Variants in SYNM observed in about 807,000 individuals in gnomAD.
SYNM encodes desmuslin.
A neutral mutation model predicts 104.0 loss-of-function variants in SYNM; 95 were observed. That is an observed-to-expected ratio of 0.91 (90% CI 0.77 to 1.08). The LOEUF is 1.08. Ranked by LOEUF, SYNM falls within the 50% of genes least tolerant of loss-of-function variation. SYNM has a pLI of 0.00. For synonymous variants in SYNM, 918 were observed against 869.0 expected (o/e 1.06, Z -0.99); for missense variants, 2,150 against 2,052.2 (o/e 1.05, Z -0.92).
chr15:99,139,709 C>G (rs1555489298), downstream of SYNM: 1 of 1,363,486 alleles, frequency 7.3e-7, no homozygotes, highest in African/African-American at 1.5e-5. Context: ...AGGATGGGCT[C>G]CAGTTTCTAT....
At position 99,105,157 on chromosome 15, in the gene SYNM, G is replaced by T. The variant is rs969921255; in HGVS notation, c.-43G>T. ...ACGAGACCGGGACAAGACCAGGGCA[G>T]GAGGGAGCCGGCCAGCCGCGAGAAC... On this transcript the variant is annotated 5_prime_UTR_variant, in exon 1 of 4. The change creates a new upstream start codon in the 5' untranslated region. Coordinates refer to ENST00000336292, the MANE Select transcript of SYNM (RefSeq NM_145728.3). 6.4e-7 allele frequency: 1 copy of T among 1,552,436 alleles called. No homozygotes were observed. Among genetic ancestry groups the T allele is most frequent in the Non-Finnish European group, 8.7e-7 (1 of 1,155,002 alleles).
At chr15:99,108,117 G>A (rs1454054938) in intron 1 of SYNM, among the ~76,000 whole-genome samples, 2 of 152,108 alleles carry the variant, frequency 1.3e-5, no homozygotes, top group East Asian at 3.9e-4. Flanking sequence ...TGGGAGTACA[G>A]GATCCCACCA....
At chr15:99,123,336 A>G (rs924323017) in intron 2 of SYNM, among the ~76,000 whole-genome samples, 1 of 146,920 alleles carries the variant, frequency 6.8e-6, no homozygotes, top group Non-Finnish European at 1.5e-5. Context: ...GTATTGACCT[A>G]GAGATGGCTC....
In SYNM at chr15:99,130,402, A is replaced by G. The variant is rs782592910; in HGVS notation, c.2042A>G (p.Lys681Arg). The G allele has an allele frequency of 8.1e-6, 13 of 1,613,822 alleles. No homozygotes were observed. The Admixed American group carries it at 2.2e-4, about 27-fold the overall frequency. The change falls in exon 4 of 4, where the codon AAA (lysine) becomes AGA (arginine). Residue 681 changes from lysine (K) to arginine (R), a missense_variant. Lys to Arg is a conservative substitution (Grantham distance 26, BLOSUM62 2). Coordinates refer to ENST00000336292, the MANE Select transcript of SYNM (RefSeq NM_145728.3). ...AGGAAAGAGCTTCCTGGGGAAAGGA[A>G]AACAAAGACTGAAATAGTTGTGGAG... ...VDRKELPGER[K>R]TKTEIVVESK...
At chr15:99,122,008 A>C (rs1313632248) in intron 2 of SYNM, among the ~76,000 whole-genome samples, 6 of 152,274 alleles carry the variant, frequency 3.9e-5, no homozygotes, top group Non-Finnish European at 7.3e-5. Context: ...AGCTGGGTCA[A>C]AATGATTTTT....
intron 2 of SYNM, among the ~76,000 whole-genome samples, chr15:99,121,961 T>C (rs782493690): frequency 2.7e-4 from 41 of 152,326 alleles, no homozygotes; most frequent in Non-Finnish European, 4.9e-4. Flanking sequence ...AAAGATATGA[T>C]AATTGTTCTA....
rs1390703444 is a variant in SYNM at position 99,105,654 on chromosome 15, T to C, written c.455T>C (p.Val152Ala). Residue 152 changes from valine to alanine, a missense_variant, in exon 1 of 4, where the codon GTG becomes GCG. Physicochemically the swap from Val to Ala is moderately conservative, Grantham distance 64. Transcript: ENST00000336292. ...CTCGACGCGGCCCACGAACGCGACGTGAGGGAGCTGCGCGCGCGCGCCGCC... is the reference window on the plus strand; with the variant it reads ...CTCGACGCGGCCCACGAACGCGACGCGAGGGAGCTGCGCGCGCGCGCCGCC... ...RGLDAAHERD[V>A]RELRARAASL... The C allele has an allele frequency of 2.2e-6, 3 of 1,383,656 alleles. No homozygotes were observed. Among genetic ancestry groups the C allele is most frequent in the Admixed American group, 6.2e-5 (2 of 32,180 alleles). The allele number at this position is 1,383,656 out of a possible 1,614,324, so 85.7% of individuals were successfully genotyped here.
Position 99,132,588 on chromosome 15 carries a change from G to GA in SYNM, c.4231dup (p.Thr1411AsnfsTer5). ...TAGGCACATTCGACTAGGTCCTACAGAAACGGAAACCTCTGAACACATTGC... is the reference window on the plus strand; with the variant it reads ...TAGGCACATTCGACTAGGTCCTACAGAAAACGGAAACCTCTGAACACATTGC... On this transcript the variant is annotated frameshift_variant, in exon 4 of 4. Coordinates refer to ENST00000336292, the MANE Select transcript of SYNM (RefSeq NM_145728.3). LOFTEE classifies it high-confidence loss of function. 6.2e-7 allele frequency: 1 copy of GA among 1,614,048 alleles called. No individual in the cohort carries two copies. The highest frequency in any genetic ancestry group is 1.1e-5 in the South Asian group (1 of 91,080).
chr15:99,115,749 A>G (rs1027639851), intron 2 of SYNM, among the ~76,000 whole-genome samples: 3 of 152,264 alleles, frequency 2.0e-5, no homozygotes, highest in Admixed American at 6.5e-5. Context: ...GGTGTGAGCC[A>G]CTGCGCCCGG....
Position 99,131,276 on chromosome 15 carries a change from C to T in SYNM, c.2916C>T (p.Thr972=). 3.1e-6 allele frequency: 5 copies of T among 1,611,984 alleles called. No homozygotes were observed. Among genetic ancestry groups the T allele is most frequent in the Non-Finnish European group, 4.2e-6 (5 of 1,179,294 alleles). The change falls in exon 4 of 4, where the codon ACC becomes ACT. Residue 972 remains threonine (T), a synonymous_variant. Transcript: ENST00000336292. This position sits in a 1 kb window ranked among gnomAD's most constrained non-coding sequence, Gnocchi z 4.3. ...ERMREELSAL[T]REGQGGPGSV... ...TGAGGGAGGAGCTGTCCGCCCTCAC[C>T]AGAGAGGGGCAGGGTGGGCCGGGGA... is the stretch of plus-strand genomic sequence containing the variant.
chr15:99,129,380 A>G lies in SYNM; in HGVS notation c.1020A>G (p.Lys340=). ...CAATTTCTACAGAATTCAGAAACAA[A>G]TCCTATCACTATACCGACTCACTAC... ...VENMPSEFRN[K]SYHYTDSLLQ... The change falls in exon 4 of 4, where the codon AAA becomes AAG. Residue 340 remains lysine, a synonymous_variant. Transcript: ENST00000336292. 1 of 1,611,490 alleles carries G rather than the reference A, an allele frequency of 6.2e-7. No individual in the cohort carries two copies. The highest frequency in any genetic ancestry group is 8.5e-7 in the Non-Finnish European group (1 of 1,177,840).
In SYNM at chr15:99,132,499, C is replaced by T. The variant is rs782749337; in HGVS notation, c.4139C>T (p.Pro1380Leu). 6.2e-7 allele frequency: 1 copy of T among 1,613,974 alleles called. No homozygotes were observed. Among genetic ancestry groups the T allele is most frequent in the South Asian group, 1.1e-5 (1 of 91,078 alleles). Residue 1380 changes from proline to leucine, a missense_variant, in exon 4 of 4, where the codon CCC (proline) becomes CTC (leucine). Transcript: ENST00000336292. ...STFQSVVSES[P>L]QEDSAEDTSG... ...TTCCAAAGTGTCGTTTCTGAATCTC[C>T]CCAGGAGGATAGTGCAGAGGACACA...
At chr15:99,122,174 G>A (rs1237295944) in intron 2 of SYNM, among the ~76,000 whole-genome samples, 1 of 152,224 alleles carries the variant, frequency 6.6e-6, no homozygotes, top group African/African-American at 2.4e-5. Context: ...GGAAGGGCAT[G>A]GGAAGCTTCC....
intron 2 of SYNM, among the ~76,000 whole-genome samples, chr15:99,115,947 A>G (rs2067345054): frequency 6.6e-6 from 1 of 152,244 alleles, no homozygotes; most frequent in South Asian, 2.1e-4. Flanking sequence ...CCATCAGTGA[A>G]GAGGGAGCAG....
At chr15:99,111,085 A>G (rs1327633809) in intron 1 of SYNM, among the ~76,000 whole-genome samples, 1 of 152,216 alleles carries the variant, frequency 6.6e-6, no homozygotes, top group Non-Finnish European at 1.5e-5. Context: ...TCCAACTTCA[A>G]CACAGTTTGA....
At chr15:99,128,082 T>C (rs1422987014) in intron 3 of SYNM, among the ~76,000 whole-genome samples, 3 of 152,230 alleles carry the variant, frequency 2.0e-5, no homozygotes, top group African/African-American at 7.2e-5. Flanking sequence ...ATTTGTAAAC[T>C]AAATTTATTC....
At position 99,122,200 on chromosome 15, in the gene SYNM, A is replaced by G. The variant is rs1229341830; in HGVS notation, c.936-4522A>G. 2.6e-5 allele frequency among the ~76,000 whole-genome samples: 4 copies of G among 152,178 alleles called. No homozygotes were observed. In the East Asian group the frequency reaches 7.7e-4, roughly 29 times the overall value. On this transcript the variant is annotated intron_variant, in intron 2 of 3. Transcript: ENST00000336292. ...GGAAGCTTCCTGTTTCTTCTTTCTG[A>G]TCCCAGTTGGCAGAAGCAGCGTGTT...
intron 2 of SYNM, among the ~76,000 whole-genome samples, chr15:99,116,060 T>A (rs1166699693): frequency 6.6e-6 from 1 of 152,184 alleles, no homozygotes; most frequent in African/African-American, 2.4e-5. Flanking sequence ...CACCAAGGGA[T>A]GAATTGAGGG....
rs746324622 is a variant in SYNM at position 99,130,604 on chromosome 15, C to A, written c.2244C>A (p.Ile748=). 3.9e-5 allele frequency: 63 copies of A among 1,613,360 alleles called. No homozygotes were observed. In the South Asian group the frequency reaches 6.4e-4, roughly 16 times the overall value. The change falls in exon 4 of 4, where the codon ATC becomes ATA. Residue 748 remains isoleucine (I), a synonymous_variant. Coordinates refer to ENST00000336292, the MANE Select transcript of SYNM (RefSeq NM_145728.3). ...GAGCAAAGGTCGTCAACGTGGAGAT[C>A]GTGGAGGAGCCCGTGAGTTATGTCA... ...EGRAKVVNVE[I]VEEPVSYVSG...
Sources: gnomAD v4.1 joint callset for allele counts (sites outside exome capture counted in the v4.1 genomes callset) on GRCh38, gnomAD v4.1.1 for gene constraint, Gnocchi (gnomAD v3.1) non-coding constraint, MANE v1.5 for transcripts, NCBI Gene and HGNC (gene_info 2026-07-23, HGNC 2026-07-21) for gene names.